Variants in CACNB4 observed in about 807,000 individuals in gnomAD.
CACNB4 encodes voltage-dependent L-type calcium channel subunit beta-4.
A neutral mutation model predicts 71.2 loss-of-function variants in CACNB4; 32 were observed. The observed-to-expected ratio is 0.45, with a 90% CI of 0.34 to 0.60. CACNB4 has a LOEUF of 0.60. Among genes scored for constraint, CACNB4 ranks in the 20% least tolerant of loss-of-function variants. The pLI, the probability that CACNB4 is intolerant of heterozygous loss-of-function variation, is 0.01. For synonymous variants in CACNB4, 231 were observed against 236.9 expected (o/e 0.97, Z 0.23); for missense variants, 464 against 647.9 (o/e 0.72, Z 3.08).
At chr2:151,979,285 C>T (rs1385713219) in intron 2 of CACNB4, among the ~76,000 whole-genome samples, 1 of 152,026 alleles carries the variant, frequency 6.6e-6, no homozygotes, top group African/African-American at 2.4e-5. Flanking sequence ...GACTAGCTCC[C>T]CTCCTCCCTG....
At chr2:151,927,687 G>T (rs2151592054) in intron 2 of CACNB4, among the ~76,000 whole-genome samples, 1 of 152,352 alleles carries the variant, frequency 6.6e-6, no homozygotes, top group East Asian at 1.9e-4. Context: ...CAGCGCAATT[G>T]CGTGCTTCAC....
intron 2 of CACNB4, among the ~76,000 whole-genome samples, chr2:151,889,697 A>G (rs976732543): frequency 6.6e-6 from 1 of 152,124 alleles, no homozygotes. Context: ...TCATTAGGCT[A>G]TCTTTATCTT....
chr2:151,933,709 AT>A, intron 2 of CACNB4, among the ~76,000 whole-genome samples: 1 of 152,286 alleles, frequency 6.6e-6, no homozygotes, highest in East Asian at 1.9e-4. Flanking sequence ...CAATATTTTC[AT>A]TCTTTAATCA....
intron 2 of CACNB4, among the ~76,000 whole-genome samples, chr2:152,041,138 A>G (rs1684851000): frequency 6.6e-6 from 1 of 152,206 alleles, no homozygotes; most frequent in Non-Finnish European, 1.5e-5. Context: ...GTTTCTCCCC[A>G]CAAACTTTTG....
intron 2 of CACNB4, among the ~76,000 whole-genome samples, chr2:152,029,561 C>T (rs986032519): frequency 6.6e-6 from 1 of 151,576 alleles, no homozygotes; most frequent in African/African-American, 2.4e-5. Context: ...TTTGCTCTCT[C>T]TGCCACATGA....
intron 2 of CACNB4, among the ~76,000 whole-genome samples, chr2:152,089,191 T>C (rs1295114320): frequency 6.6e-6 from 1 of 152,210 alleles, no homozygotes; most frequent in Non-Finnish European, 1.5e-5. Context: ...CCTCATTGTT[T>C]TCCTGGTTCA....
chr2:151,967,247 G>A (rs1026566422), intron 2 of CACNB4: 5 of 151,936 alleles, frequency 3.3e-5, no homozygotes, highest in Admixed American at 6.6e-5. Context: ...GCAAAGATGG[G>A]GTTTTGCCAT....
At chr2:151,928,901 G>A (rs1173993344) in intron 2 of CACNB4, among the ~76,000 whole-genome samples, 3 of 143,326 alleles carry the variant, frequency 2.1e-5, no homozygotes, top group Non-Finnish European at 4.5e-5. Flanking sequence ...GACAGAGTGA[G>A]ACCCTGTCTC....
intron 2 of CACNB4, among the ~76,000 whole-genome samples, chr2:152,024,294 C>T (rs920764716): frequency 5.3e-5 from 8 of 152,224 alleles, no homozygotes; most frequent in African/African-American, 1.7e-4. Context: ...CACTGTACCT[C>T]TGTGCCTGGG....
chr2:151,973,676 G>A lies in CACNB4; in HGVS notation c.148-90306C>T, dbSNP rs547439915. The A allele has an allele frequency of 3.8e-5, 61 of 1,613,296 alleles. No homozygotes were observed. Among genetic ancestry groups the A allele is most frequent in the Non-Finnish European group, 5.1e-5 (60 of 1,179,592 alleles). ...ATCTATGAAAATACTTACAGCCTCC[G>A]AGTCTTCAATTCCATGCAGGTACAA... is the stretch of plus-strand genomic sequence containing the variant. On this transcript the variant is annotated intron_variant, in intron 2 of 13. Transcript: ENST00000539935.
chr2:151,869,275 GCA>G, intron 8 of CACNB4, 40 bp from the exon 9 acceptor site: 1 of 1,224,886 alleles, frequency 8.2e-7, no homozygotes, highest in Non-Finnish European at 1.2e-6. Context: ...GCAAACACAT[GCA>G]GAGAGAGAGA....
chr2:152,052,997 T>A (rs1685529903), intron 2 of CACNB4, among the ~76,000 whole-genome samples: 1 of 151,834 alleles, frequency 6.6e-6, no homozygotes, highest in Non-Finnish European at 1.5e-5. Flanking sequence ...AAAAGAAATA[T>A]CATATATGAT....
intron 2 of CACNB4, chr2:151,973,946 G>T: frequency 7.8e-7 from 1 of 1,276,558 alleles, no homozygotes. Context: ...AGCACAAAAA[G>T]CAAAACCCTT....
At chr2:152,081,676 T>A (rs1162003825) in intron 2 of CACNB4, among the ~76,000 whole-genome samples, 1 of 152,144 alleles carries the variant, frequency 6.6e-6, no homozygotes, top group Non-Finnish European at 1.5e-5. Flanking sequence ...AAATCTCATC[T>A]AAACCTAATT....
chr2:151,853,788 C>T (rs1485384876), intron 11 of CACNB4: 1 of 340,452 alleles, frequency 2.9e-6, no homozygotes, highest in Non-Finnish European at 5.3e-6. Flanking sequence ...GAGTTCCCAT[C>T]CTAGATTTTT....
chr2:152,073,772 C>T (rs1034402344), intron 2 of CACNB4, among the ~76,000 whole-genome samples: 2 of 152,296 alleles, frequency 1.3e-5, no homozygotes, highest in African/African-American at 2.4e-5. Flanking sequence ...AAGAGCAGGG[C>T]TCTCAGAACT....
intron 2 of CACNB4, among the ~76,000 whole-genome samples, chr2:152,018,834 C>CACACACACAG (rs1430982275): frequency 1.3e-5 from 2 of 150,906 alleles, no homozygotes; most frequent in East Asian, 3.9e-4. Context: ...CACACACACA[C>CACACACACAG]ACACAGACAA....
intron 2 of CACNB4, among the ~76,000 whole-genome samples, chr2:151,909,772 G>C (rs771251381): frequency 1.3e-5 from 2 of 152,134 alleles, no homozygotes; most frequent in Non-Finnish European, 2.9e-5. Flanking sequence ...TCCCATGGTG[G>C]ATACGTACCA....
intron 4 of CACNB4, among the ~76,000 whole-genome samples, chr2:151,879,170 T>C (rs765658960): frequency 1.5e-4 from 23 of 152,236 alleles, no homozygotes; most frequent in Non-Finnish European, 2.6e-4. Context: ...GGGCTTAAGT[T>C]ACTTCCTGAA....
Sources: gnomAD v4.1 joint callset for allele counts (sites outside exome capture counted in the v4.1 genomes callset) on GRCh38, gnomAD v4.1.1 for gene constraint, MANE v1.5 for transcripts, NCBI Gene and HGNC (gene_info 2026-07-23, HGNC 2026-07-21) for gene names.